DOK6: variants seen among roughly 807,000 people sequenced by gnomAD.
The protein encoded by DOK6 is downstream of tyrosine kinase 6.
Under a neutral mutation model 44.0 loss-of-function variants are expected in DOK6, and 22 were observed. That is an observed-to-expected ratio of 0.50 (90% CI 0.36 to 0.71). The LOEUF (loss-of-function observed/expected upper bound fraction) is 0.71. Among genes scored for constraint, DOK6 ranks in the 30% least tolerant of loss-of-function variants. DOK6 has a pLI of 0.00. For missense variants in DOK6, 340 were observed against 416.4 expected (o/e 0.82, Z 1.60); for synonymous variants, 166 against 145.5 (o/e 1.14, Z -1.01).
intron 1 of DOK6, among the ~76,000 whole-genome samples, chr18:69,459,425 C>G (rs919759595): frequency 2.6e-5 from 4 of 152,018 alleles, no homozygotes; most frequent in Admixed American, 2.6e-4. Context: ...TTGATAACAT[C>G]AATAATAATT....
intron 1 of DOK6, among the ~76,000 whole-genome samples, chr18:69,434,979 GGAAA>G (rs1232051756): frequency 6.5e-5 from 9 of 139,286 alleles, no homozygotes; most frequent in African/African-American, 1.8e-4. Context: ...AAGGAAGGAA[GGAAA>G]GAAGGAAGGA....
At chr18:69,600,763 G>C (rs1233268181) in intron 3 of DOK6, among the ~76,000 whole-genome samples, 1 of 151,898 alleles carries the variant, frequency 6.6e-6, no homozygotes, top group Non-Finnish European at 1.5e-5. Flanking sequence ...GCAATATTTT[G>C]AATGTATAGG....
chr18:69,812,379 CA>C (rs1981268109), intron 7 of DOK6, among the ~76,000 whole-genome samples: 1 of 152,070 alleles, frequency 6.6e-6, no homozygotes. Flanking sequence ...TAAATTATAT[CA>C]TTTTTCATAT....
At chr18:69,648,915 A>G (rs928993653) in intron 3 of DOK6, among the ~76,000 whole-genome samples, 4 of 152,242 alleles carry the variant, frequency 2.6e-5, no homozygotes. Flanking sequence ...AATTAAGAGC[A>G]AGAACATGAG....
chr18:69,832,085 A>T (rs1468876929), intron 7 of DOK6, among the ~76,000 whole-genome samples: 11 of 152,144 alleles, frequency 7.2e-5, no homozygotes, highest in Non-Finnish European at 1.3e-4. Context: ...AAAGTGGTAA[A>T]AGTGGGCATT....
Position 69,729,120 on chromosome 18 carries a change from A to T in DOK6, c.600-9845A>T, listed in dbSNP as rs115903642. Among the ~76,000 whole-genome samples, 764 of 152,248 alleles carry T rather than the reference A, an allele frequency of 5.0e-3. 7 individuals carry two copies. The highest frequency in any genetic ancestry group is 0.018 in the African/African-American group (745 of 41,488). The stretch of plus-strand genomic sequence containing the variant: ...AATATGCATATCATATGTTATACAT[A>T]TACACACATAAACACATATATATAA... On this transcript the variant is annotated intron_variant, in intron 5 of 7. Transcript: ENST00000382713.
At chr18:69,563,341 C>T (rs1982886393) in intron 1 of DOK6, among the ~76,000 whole-genome samples, 1 of 152,158 alleles carries the variant, frequency 6.6e-6, no homozygotes, top group Middle Eastern at 3.2e-3. Context: ...GCTATAAAGA[C>T]ACATGCACAC....
intron 1 of DOK6, among the ~76,000 whole-genome samples, chr18:69,548,889 C>A (rs541516764): frequency 6.6e-6 from 1 of 151,216 alleles, no homozygotes. Context: ...GTCAGGAGAT[C>A]AAGACCATCC....
intron 1 of DOK6, among the ~76,000 whole-genome samples, chr18:69,500,214 G>A (rs184144917): frequency 6.6e-6 from 1 of 152,238 alleles, no homozygotes; most frequent in Non-Finnish European, 1.5e-5. Flanking sequence ...TGGGCTTCAA[G>A]GCACTGACGT....
intron 3 of DOK6, among the ~76,000 whole-genome samples, chr18:69,658,833 C>T (rs1050437873): frequency 6.6e-6 from 1 of 152,104 alleles, no homozygotes; most frequent in African/African-American, 2.4e-5. Flanking sequence ...ATAATTCATT[C>T]CTCTCAATAT....
chr18:69,680,088 C>G (rs1236481799), intron 4 of DOK6, among the ~76,000 whole-genome samples: 2 of 152,144 alleles, frequency 1.3e-5, no homozygotes, highest in Non-Finnish European at 2.9e-5. Context: ...ATAATCCTAA[C>G]TTCAAACAAA....
chr18:69,650,911 A>G (rs1016318683), intron 3 of DOK6, among the ~76,000 whole-genome samples: 4 of 152,168 alleles, frequency 2.6e-5, no homozygotes, highest in Admixed American at 2.6e-4. Flanking sequence ...TCCATATTTT[A>G]TTCATTGCAG....
At chr18:69,534,591 T>G (rs1471066142) in intron 1 of DOK6, among the ~76,000 whole-genome samples, 7 of 152,064 alleles carry the variant, frequency 4.6e-5, no homozygotes, top group Admixed American at 6.6e-5. Context: ...TGTTCTTTGT[T>G]TTTTTCCATA....
intron 1 of DOK6, among the ~76,000 whole-genome samples, chr18:69,439,548 AACTTGCTGCAGCTCCTACATCAGC>A (rs757939508): frequency 6.6e-6 from 1 of 152,236 alleles, no homozygotes; most frequent in Non-Finnish European, 1.5e-5. Context: ...TCTTCCGGAT[AACTTGCTGCAGCTCCTACATCAGC>A]ACTTGCTGCT....
intron 1 of DOK6, among the ~76,000 whole-genome samples, chr18:69,513,426 A>G (rs924522741): frequency 1.2e-4 from 18 of 152,184 alleles, no homozygotes; most frequent in African/African-American, 3.9e-4. Flanking sequence ...ACCCTAATAC[A>G]TCTTGCCATA....
intron 5 of DOK6, among the ~76,000 whole-genome samples, chr18:69,729,572 T>C (rs1000998681): frequency 2.0e-5 from 3 of 152,128 alleles, no homozygotes; most frequent in East Asian, 1.9e-4. Context: ...TCAATTCCAT[T>C]CCCAAAATGA....
At chr18:69,783,604 A>G (rs7245009) in intron 7 of DOK6, among the ~76,000 whole-genome samples, 32,521 of 151,882 alleles carry the variant, frequency 0.21, 3,697 homozygotes, top group East Asian at 0.29. Context: ...TGACCTCTGG[A>G]TTTTCTAGAG....
At position 69,716,766 on chromosome 18, in the gene DOK6, C is replaced by T. The variant is rs986317274; in HGVS notation, c.599+18173C>T. ...TGGCTTTTTAAAAAAATTGTTCTTG[C>T]GCCCTAAAGTGGTGTTTCAAATTCT... On this transcript the variant is annotated intron_variant, in intron 5 of 7. Coordinates refer to ENST00000382713, the MANE Select transcript of DOK6 (RefSeq NM_152721.6). 1.7e-4 allele frequency among the ~76,000 whole-genome samples: 26 copies of T among 150,066 alleles called. 1 individual carries two copies. In the South Asian group the frequency reaches 2.7e-3, roughly 16 times the overall value.
intron 5 of DOK6, among the ~76,000 whole-genome samples, chr18:69,738,429 T>C (rs1351397784): frequency 6.6e-6 from 1 of 152,202 alleles, no homozygotes; most frequent in Non-Finnish European, 1.5e-5. Context: ...AACTTACCTA[T>C]AATCCTATTG....
Sources: allele counts gnomAD v4.1 joint callset (sites outside exome capture counted in the v4.1 genomes callset), GRCh38; gene constraint gnomAD v4.1.1; transcripts MANE v1.5; gene names NCBI Gene and HGNC (gene_info 2026-07-23, HGNC 2026-07-21).